Variants in XKR6 observed in about 807,000 individuals in gnomAD.
The protein encoded by XKR6 is XK related 6.
XKR6 carries 22 observed loss-of-function variants against 56.7 expected under a neutral mutation model. That is an observed-to-expected ratio of 0.39 (90% CI 0.28 to 0.55). The LOEUF (loss-of-function observed/expected upper bound fraction) is 0.55. Ranked by LOEUF, XKR6 falls within the 20% of genes least tolerant of loss-of-function variation. The pLI is 0.66. For missense variants in XKR6, 852 were observed against 889.0 expected, an observed-to-expected ratio of 0.96 and a Z score of 0.53; for synonymous variants, 524 against 387.8, an observed-to-expected ratio of 1.35 and a Z score of -4.13.
At chr8:11,145,308 G>C (rs2078482386) in intron 1 of XKR6, among the ~76,000 whole-genome samples, 1 of 152,114 alleles carries the variant, frequency 6.6e-6, no homozygotes, top group African/African-American at 2.4e-5. Context: ...TTTCAGATAA[G>C]GAGGACTCAG....
intron 1 of XKR6, among the ~76,000 whole-genome samples, chr8:11,142,686 C>G (rs1800767911): frequency 6.6e-6 from 1 of 152,180 alleles, no homozygotes; most frequent in African/African-American, 2.4e-5. Context: ...GAGGCCCTCA[C>G]CAGAAGCAGA....
intron 1 of XKR6, among the ~76,000 whole-genome samples, chr8:11,122,412 C>T (rs1297763437): frequency 6.6e-6 from 1 of 152,222 alleles, no homozygotes; most frequent in Non-Finnish European, 1.5e-5. Context: ...AACCATTCAG[C>T]AGGATGACAG....
chr8:11,086,148 A>ATATATATATATT (rs71203369), intron 1 of XKR6, among the ~76,000 whole-genome samples: 3 of 120,722 alleles, frequency 2.5e-5, no homozygotes, highest in African/African-American at 1.2e-4. Flanking sequence ...ATATATATAT[A>ATATATATATATT]TTTTTTTTTA....
At chr8:11,174,344 G>A (rs1460063057) in intron 1 of XKR6, among the ~76,000 whole-genome samples, 1 of 152,198 alleles carries the variant, frequency 6.6e-6, no homozygotes, top group African/African-American at 2.4e-5. Flanking sequence ...GTGCAGAAGT[G>A]TTTATTGTAC....
chr8:11,185,160 G>T (rs553127284), intron 1 of XKR6, among the ~76,000 whole-genome samples: 32 of 152,184 alleles, frequency 2.1e-4, no homozygotes, highest in Non-Finnish European at 4.7e-4. Context: ...GTCCAGGACT[G>T]GTGCCCGCCG....
chr8:11,030,437 A>G lies in XKR6; in HGVS notation c.765-105607T>C, dbSNP rs56058805. 4.5e-3 allele frequency among the ~76,000 whole-genome samples: 679 copies of G among 152,332 alleles called. 2 individuals are homozygous for G. The highest frequency in any genetic ancestry group is 0.012 in the Admixed American group (178 of 15,296). ...CTCACCAACAGGATGCCCTCCAGTGAGGAGGTGTCCAGCAATCCTCAGATT... is the reference window on the plus strand; with the variant it reads ...CTCACCAACAGGATGCCCTCCAGTGGGGAGGTGTCCAGCAATCCTCAGATT... On this transcript the variant is annotated intron_variant, in intron 1 of 2. Coordinates refer to ENST00000416569, the MANE Select transcript of XKR6 (RefSeq NM_173683.4).
At chr8:10,942,430 A>T (rs1372929781) in intron 1 of XKR6, among the ~76,000 whole-genome samples, 2 of 152,206 alleles carry the variant, frequency 1.3e-5, no homozygotes, top group Admixed American at 1.3e-4. Flanking sequence ...GCTGTGGGCG[A>T]GGTCTCTTGC....
Position 11,201,012 on chromosome 8 carries a change from G to T in XKR6, c.328C>A (p.Pro110Thr), listed in dbSNP as rs1479540617. The change falls in exon 1 of 3, where the codon CCC (proline) becomes ACC (threonine). Residue 110 changes from proline to threonine, a missense_variant. By Grantham distance (38) the Pro-to-Thr change is conservative. Transcript: ENST00000416569. ...APGAGRQPPT[P>T]SAARPEPPPP... Reference sequence around the variant, plus strand: ...GGCGGCTCCGGCCGCGCGGCCGAGGGCGTCGGGGGTTGGCGGCCGGCGCCG... The same window carrying T: ...GGCGGCTCCGGCCGCGCGGCCGAGGTCGTCGGGGGTTGGCGGCCGGCGCCG... The T allele has an allele frequency of 7.8e-7, 1 of 1,278,234 alleles. No homozygotes were observed. The highest frequency in any genetic ancestry group is 3.9e-5 in the Admixed American group (1 of 25,382). The allele number at this position is 1,278,234 out of a possible 1,614,324, so 79.2% of individuals were successfully genotyped here.
At chr8:11,120,136 G>A (rs375852643) in intron 1 of XKR6, among the ~76,000 whole-genome samples, 2 of 152,108 alleles carry the variant, frequency 1.3e-5, no homozygotes, top group Non-Finnish European at 2.9e-5. Context: ...AAGACAGGGA[G>A]GCGCTCTCTC....
intron 1 of XKR6, among the ~76,000 whole-genome samples, chr8:11,136,603 G>T (rs1411261573): frequency 2.6e-5 from 4 of 152,018 alleles, no homozygotes; most frequent in Admixed American, 1.3e-4. Flanking sequence ...AGGTCATAAG[G>T]ATGGAGCCCT....
intron 1 of XKR6, among the ~76,000 whole-genome samples, chr8:11,045,146 G>A (rs7818737): frequency 0.16 from 21,478 of 132,076 alleles, 1,731 homozygotes; most frequent in Non-Finnish European, 0.19. Context: ...GAGTGCAGTG[G>A]CACGATCTCA....
intron 1 of XKR6, chr8:11,137,929 C>T (rs1800490741): frequency 8.4e-6 from 3 of 355,856 alleles, no homozygotes; most frequent in South Asian, 4.3e-5. Flanking sequence ...TGACACAACT[C>T]GACCTTGATC....
chr8:11,107,628 C>T (rs920829848), intron 1 of XKR6, among the ~76,000 whole-genome samples: 4 of 152,106 alleles, frequency 2.6e-5, no homozygotes, highest in East Asian at 3.9e-4. Context: ...TCTGTAGATG[C>T]GAAACAGTGA....
chr8:11,161,217 C>G (rs111693805), intron 1 of XKR6, among the ~76,000 whole-genome samples: 4 of 152,140 alleles, frequency 2.6e-5, no homozygotes, highest in African/African-American at 4.8e-5. Flanking sequence ...CAAACGCTTC[C>G]GAGTATCTCC....
At chr8:11,158,539 C>T (rs577919853) in intron 1 of XKR6, among the ~76,000 whole-genome samples, 2 of 152,270 alleles carry the variant, frequency 1.3e-5, no homozygotes, top group Non-Finnish European at 2.9e-5. Context: ...AATTATGGAG[C>T]AACTAAAAAC....
intron 1 of XKR6, among the ~76,000 whole-genome samples, chr8:11,199,503 G>A (rs1431433985): frequency 6.6e-6 from 1 of 152,218 alleles, no homozygotes; most frequent in Admixed American, 6.5e-5. Context: ...CAGAAGCCAT[G>A]CACTTGAAGA....
intron 1 of XKR6, among the ~76,000 whole-genome samples, chr8:10,928,644 G>T (rs890614789): frequency 8.3e-5 from 12 of 145,246 alleles, no homozygotes; most frequent in Non-Finnish European, 1.5e-4. Flanking sequence ...CGGAAACGCC[G>T]CTCCAGGCAA....
intron 1 of XKR6, among the ~76,000 whole-genome samples, chr8:11,198,166 C>T (rs2117161507): frequency 6.6e-6 from 1 of 152,240 alleles, no homozygotes; most frequent in East Asian, 1.9e-4. Flanking sequence ...CAATTGTTTG[C>T]CGAAAGATTA....
intron 1 of XKR6, among the ~76,000 whole-genome samples, chr8:11,103,350 TTC>T (rs1450872619): frequency 6.6e-6 from 1 of 151,876 alleles, no homozygotes; most frequent in East Asian, 1.9e-4. Context: ...CATTCAGGAG[TTC>T]AATCAAGCCA....
Sources: allele counts gnomAD v4.1 joint callset (sites outside exome capture counted in the v4.1 genomes callset), GRCh38; gene constraint gnomAD v4.1.1; transcripts MANE v1.5; gene names NCBI Gene and HGNC (gene_info 2026-07-23, HGNC 2026-07-21).